The following PTPN1 variants were observed in gnomAD, a reference collection of about 807,000 sequenced individuals.
PTPN1 encodes the protein protein tyrosine phosphatase non-receptor type 1.
Under a neutral mutation model 59.9 loss-of-function variants are expected in PTPN1, and 12 were observed. The observed-to-expected ratio is 0.20, with a 90% CI of 0.13 to 0.32. PTPN1 has a LOEUF of 0.32. PTPN1 is among the 10% of genes least tolerant of loss of function. The pLI is 1.00. For missense variants in PTPN1, 356 were observed against 549.2 expected (o/e 0.65, Z 3.52); for synonymous variants, 178 against 203.6 (o/e 0.87, Z 1.07).
At chr20:50,534,145 C>T (rs1184040030) in intron 1 of PTPN1, among the ~76,000 whole-genome samples, 1 of 152,132 alleles carries the variant, frequency 6.6e-6, no homozygotes. Context: ...AGTCTGGTTT[C>T]GAACTCCTGA....
chr20:50,513,951 G>T (rs1197506732), intron 1 of PTPN1, among the ~76,000 whole-genome samples: 1 of 152,012 alleles, frequency 6.6e-6, no homozygotes, highest in Non-Finnish European at 1.5e-5. Flanking sequence ...TAGTCATCTT[G>T]AGTGACCCAT....
chr20:50,562,536 A>C (rs1224340836), intron 2 of PTPN1, among the ~76,000 whole-genome samples: 1 of 152,168 alleles, frequency 6.6e-6, no homozygotes, highest in African/African-American at 2.4e-5. Flanking sequence ...TGTGAAGATG[A>C]AGCAACATAA....
At chr20:50,558,088 G>C (rs992183656) in intron 1 of PTPN1, 27 of 152,158 alleles carry the variant, frequency 1.8e-4, no homozygotes, top group African/African-American at 5.8e-4. Context: ...TCCTGCCTCA[G>C]CTTCCCAAGT....
At chr20:50,520,389 T>C (rs1213263195) in intron 1 of PTPN1, among the ~76,000 whole-genome samples, 2 of 137,712 alleles carry the variant, frequency 1.5e-5, no homozygotes, top group Non-Finnish European at 3.2e-5. Flanking sequence ...AAAAAAAAAT[T>C]AAGTGATTTC....
Position 50,521,827 on chromosome 20 carries a change from C to G in PTPN1, c.63+11237C>G, listed in dbSNP as rs554813572. On this transcript the variant is annotated intron_variant, in intron 1 of 9. Transcript: ENST00000371621. ...CTGAAAATCACACCGTCTGAGCTTA[C>G]ACTGGCAGTGGTCTGCTGGACTGAG... is the stretch of plus-strand genomic sequence containing the variant. 2.6e-5 allele frequency among the ~76,000 whole-genome samples: 4 copies of G among 152,352 alleles called. No homozygotes were observed. The East Asian group carries it at 7.7e-4, about 29-fold the overall frequency.
At chr20:50,535,752 A>G (rs1308677375) in intron 1 of PTPN1, among the ~76,000 whole-genome samples, 1 of 152,170 alleles carries the variant, frequency 6.6e-6, no homozygotes, top group African/African-American at 2.4e-5. Context: ...ACCCTATAGG[A>G]ACATGGGGAT....
At chr20:50,553,952 T>TG (rs966467094) in intron 1 of PTPN1, among the ~76,000 whole-genome samples, 3 of 152,114 alleles carry the variant, frequency 2.0e-5, no homozygotes, top group Non-Finnish European at 4.4e-5. Flanking sequence ...AAATGTGGAT[T>TG]GGGGGGTGCC....
At chr20:50,542,663 T>C (rs1466864958) in intron 1 of PTPN1, among the ~76,000 whole-genome samples, 1 of 152,194 alleles carries the variant, frequency 6.6e-6, no homozygotes, top group Non-Finnish European at 1.5e-5. Context: ...GGTATATGGA[T>C]TTTGGTTCCT....
At chr20:50,536,615 A>C (rs900059689) in intron 1 of PTPN1, among the ~76,000 whole-genome samples, 1 of 152,242 alleles carries the variant, frequency 6.6e-6, no homozygotes, top group Non-Finnish European at 1.5e-5. Context: ...TCCCTAGAGC[A>C]CATCGCCTCC....
intron 6 of PTPN1, 68 bp from the exon 7 acceptor site, chr20:50,579,100 A>C (rs1405624332): frequency 1.3e-6 from 2 of 1,513,348 alleles, no homozygotes; most frequent in African/African-American, 1.4e-5. Flanking sequence ...ACAGACATCT[A>C]ACGGTGTTAT....
rs747984986 is a variant in PTPN1, at chr20:50,579,909, A to G, written c.1071A>G (p.Ala357=). ...KEEKGSPLNA[A]PYGIESMSQD... Reference sequence around the variant, plus strand: ...AAAAAGGAAGCCCCTTAAATGCCGCACCCTACGGCATCGAAAGGTAATATG... The same window carrying G: ...AAAAAGGAAGCCCCTTAAATGCCGCGCCCTACGGCATCGAAAGGTAATATG... The change falls in exon 8 of 10, where the codon GCA becomes GCG. Residue 357 remains alanine, a synonymous_variant. Coordinates refer to ENST00000371621, the MANE Select transcript of PTPN1 (RefSeq NM_002827.4). 6.2e-7 allele frequency: 1 copy of G among 1,613,754 alleles called. No homozygotes were observed. Among genetic ancestry groups the G allele is most frequent in the Admixed American group, 1.7e-5 (1 of 60,016 alleles).
At chr20:50,533,923 CTG>C (rs1320600184) in intron 1 of PTPN1, among the ~76,000 whole-genome samples, 4 of 152,060 alleles carry the variant, frequency 2.6e-5, no homozygotes, top group African/African-American at 9.7e-5. Flanking sequence ...GCTATAGAAG[CTG>C]TCTTATTTTT....
chr20:50,576,208 A>G (rs1231616105), intron 5 of PTPN1, among the ~76,000 whole-genome samples: 1 of 152,224 alleles, frequency 6.6e-6, no homozygotes, highest in African/African-American at 2.4e-5. Context: ...GGATTTATGC[A>G]GTAGCCTTTT....
chr20:50,525,955 A>G (rs987630258), intron 1 of PTPN1, among the ~76,000 whole-genome samples: 8 of 152,128 alleles, frequency 5.3e-5, no homozygotes, highest in African/African-American at 1.9e-4. Flanking sequence ...ATGAGTAATA[A>G]TGAGTGATAA....
intron 1 of PTPN1, among the ~76,000 whole-genome samples, chr20:50,552,739 G>A (rs2082708287): frequency 6.7e-6 from 1 of 149,884 alleles, no homozygotes; most frequent in Admixed American, 6.6e-5. Flanking sequence ...TACCTGTTCT[G>A]GGATCCAGCA....
chr20:50,529,934 G>A (rs1381176475), intron 1 of PTPN1, among the ~76,000 whole-genome samples: 1 of 152,018 alleles, frequency 6.6e-6, no homozygotes, highest in Non-Finnish European at 1.5e-5. Flanking sequence ...GAGTGCAGTG[G>A]CTCAATCTCG....
chr20:50,537,092 A>G (rs2122744005), intron 1 of PTPN1, among the ~76,000 whole-genome samples: 1 of 152,328 alleles, frequency 6.6e-6, no homozygotes, highest in Middle Eastern at 3.4e-3. Flanking sequence ...TGGGAGGCCG[A>G]GGCAGGCAGA....
Position 50,574,766 on chromosome 20 carries a change from C to T in PTPN1, c.492+112C>T, listed in dbSNP as rs541938865. ...CAGTGTTCCTGGCTTTTGTATACCC[C>T]GAGCAAGATGTGGTTTGGGCACTGT... On this transcript the variant is annotated intron_variant, in intron 5 of 9. Coordinates refer to ENST00000371621, the MANE Select transcript of PTPN1 (RefSeq NM_002827.4). 2,566 of 1,361,894 alleles carry T rather than the reference C, an allele frequency of 1.9e-3. 4 individuals carry two copies. Among genetic ancestry groups the T allele is most frequent in the Non-Finnish European group, 2.2e-3 (2,227 of 994,518 alleles). The allele number at this position is 1,361,894 out of a possible 1,614,324, so 84.4% of individuals were successfully genotyped here.
intron 1 of PTPN1, among the ~76,000 whole-genome samples, chr20:50,554,500 A>G (rs1295766906): frequency 6.6e-6 from 1 of 152,220 alleles, no homozygotes; most frequent in Non-Finnish European, 1.5e-5. Context: ...GAAGTCCTTG[A>G]AACAGAAGAG....
Sources: gnomAD v4.1 joint callset for allele counts (sites outside exome capture counted in the v4.1 genomes callset) on GRCh38, gnomAD v4.1.1 for gene constraint, MANE v1.5 for transcripts, NCBI Gene and HGNC (gene_info 2026-07-23, HGNC 2026-07-21) for gene names.